KCNMA1: variants seen among roughly 807,000 people sequenced by gnomAD.
The protein encoded by KCNMA1 is Calcium-activated potassium channel subunit alpha-1.
Under a neutral mutation model 140.0 loss-of-function variants are expected in KCNMA1, and 29 were observed. That is an observed-to-expected ratio of 0.21 (90% CI 0.15 to 0.28). The LOEUF is 0.28. KCNMA1 is among the 10% of genes least tolerant of loss of function. The pLI is 1.00. For synonymous variants in KCNMA1, 612 were observed against 611.9 expected (o/e 1.00, Z 0.00); for missense variants, 880 against 1,602.2 (o/e 0.55, Z 7.70).
rs1486111888 is a variant in KCNMA1 at position 77,383,002 on chromosome 10, A to G, written c.540+20860T>C. ...TGTGTGTGTGTGTGTGTGTATATATATATATATATATATATATATATATAT... is the reference window on the plus strand; with the variant it reads ...TGTGTGTGTGTGTGTGTGTATATATGTATATATATATATATATATATATAT... On this transcript the variant is annotated intron_variant, in intron 2 of 27. Coordinates refer to ENST00000286628, the MANE Select transcript of KCNMA1 (RefSeq NM_001161352.2). Among the ~76,000 whole-genome samples the G allele has an allele frequency of 9.1e-3, 464 of 50,718 alleles. 1 individual carries two copies. The highest frequency in any genetic ancestry group is 0.021 in the East Asian group (54 of 2,512). The allele number at this position is 50,718 out of a possible 152,430, so 33.3% of individuals were successfully genotyped here.
At chr10:77,423,366 C>A (rs1252877588) in intron 1 of KCNMA1, among the ~76,000 whole-genome samples, 2 of 152,156 alleles carry the variant, frequency 1.3e-5, no homozygotes, top group Non-Finnish European at 2.9e-5. Flanking sequence ...CTATAAACAC[C>A]TTCTCTAATC....
At chr10:76,923,428 CAA>C (rs926235292) in intron 23 of KCNMA1, among the ~76,000 whole-genome samples, 6 of 89,180 alleles carry the variant, frequency 6.7e-5, no homozygotes, top group East Asian at 4.6e-4. Context: ...GACTCCGTCT[CAA>C]AAAAAAAAAA....
intron 1 of KCNMA1, among the ~76,000 whole-genome samples, chr10:77,517,857 A>T (rs549539833): frequency 6.6e-6 from 1 of 152,350 alleles, no homozygotes; most frequent in South Asian, 2.1e-4. Context: ...GTAGTTGAGG[A>T]AACAGGCGAT....
At chr10:77,521,142 A>G (rs550926687) in intron 1 of KCNMA1, among the ~76,000 whole-genome samples, 2 of 152,328 alleles carry the variant, frequency 1.3e-5, no homozygotes, top group African/African-American at 4.8e-5. Flanking sequence ...GAGAACAGTG[A>G]TTCCAGCCAA....
intron 15 of KCNMA1, among the ~76,000 whole-genome samples, chr10:77,037,001 T>C (rs981073733): frequency 6.6e-6 from 1 of 152,236 alleles, no homozygotes; most frequent in East Asian, 1.9e-4. Context: ...GTACACATTC[T>C]CACTCACATC....
chr10:76,887,779 C>T (rs937669045), intron 27 of KCNMA1: 4 of 502,304 alleles, frequency 8.0e-6, no homozygotes, highest in Admixed American at 3.2e-5. Context: ...CTTCGCTTCT[C>T]GTGGTCTACA....
At chr10:77,313,428 GC>G (rs1173640143) in intron 2 of KCNMA1, among the ~76,000 whole-genome samples, 1 of 152,182 alleles carries the variant, frequency 6.6e-6, no homozygotes, top group African/African-American at 2.4e-5. Context: ...TCACAGCACT[GC>G]CAGTCTCTGT....
chr10:77,326,372 C>T (rs893119292), intron 2 of KCNMA1, among the ~76,000 whole-genome samples: 8 of 152,170 alleles, frequency 5.3e-5, no homozygotes, highest in African/African-American at 1.7e-4. Context: ...AGTTACTTTA[C>T]ACCTCTGAAC....
chr10:77,137,197 C>T (rs1375144542), intron 5 of KCNMA1, among the ~76,000 whole-genome samples: 2 of 151,914 alleles, frequency 1.3e-5, no homozygotes, highest in African/African-American at 2.4e-5. Context: ...TGTGAGGTCT[C>T]GGGAGAGGAC....
intron 23 of KCNMA1, among the ~76,000 whole-genome samples, chr10:76,942,337 C>T (rs1017377779): frequency 3.3e-5 from 5 of 152,180 alleles, no homozygotes; most frequent in Middle Eastern, 3.2e-3. Context: ...AAAGGCCCCA[C>T]CACCTAATAC....
rs142569230 is a variant in KCNMA1 at position 77,426,997 on chromosome 10, T to C, written c.379-22974A>G. On this transcript the variant is annotated intron_variant, in intron 1 of 27. Coordinates refer to ENST00000286628, the MANE Select transcript of KCNMA1 (RefSeq NM_001161352.2). Reference sequence around the variant, plus strand: ...ACATGGAATGTACTTTGATATCCTGTATTTTTTAACATTGATTACAACTCA... The same window carrying C: ...ACATGGAATGTACTTTGATATCCTGCATTTTTTAACATTGATTACAACTCA... Among the ~76,000 whole-genome samples the C allele has an allele frequency of 1.5e-3, 229 of 152,382 alleles. No individual in the cohort carries two copies. In the Middle Eastern group the frequency reaches 0.02, roughly 14 times the overall value.
At chr10:77,624,594 G>T (rs1001536713) in intron 1 of KCNMA1, among the ~76,000 whole-genome samples, 1 of 152,002 alleles carries the variant, frequency 6.6e-6, no homozygotes, top group Non-Finnish European at 1.5e-5. Flanking sequence ...CTTAATCTTT[G>T]GTTCTTTATC....
chr10:77,187,683 G>A (rs2154132845), intron 3 of KCNMA1, among the ~76,000 whole-genome samples: 1 of 152,290 alleles, frequency 6.6e-6, no homozygotes, highest in Non-Finnish European at 1.5e-5. Context: ...GAAACTCTGG[G>A]ACAAAAGACC....
At chr10:77,176,599 G>C (rs147413411) in intron 5 of KCNMA1, among the ~76,000 whole-genome samples, 1 of 152,086 alleles carries the variant, frequency 6.6e-6, no homozygotes, top group East Asian at 1.9e-4. Context: ...ATGACCCCTG[G>C]AGCAAAGGAC....
intron 1 of KCNMA1, among the ~76,000 whole-genome samples, chr10:77,558,553 G>T (rs1314735367): frequency 6.6e-6 from 1 of 152,178 alleles, no homozygotes; most frequent in Non-Finnish European, 1.5e-5. Flanking sequence ...CAAGAAGATA[G>T]GTTCCCTCAT....
intron 24 of KCNMA1, chr10:76,913,762 A>T: frequency 3.0e-6 from 1 of 338,420 alleles, no homozygotes; most frequent in Non-Finnish European, 5.4e-6. Context: ...AAAGTGGGGA[A>T]AAAAGGCTCA....
chr10:77,236,095 C>T (rs2055338997), intron 3 of KCNMA1, among the ~76,000 whole-genome samples: 1 of 152,158 alleles, frequency 6.6e-6, no homozygotes, highest in Non-Finnish European at 1.5e-5. Flanking sequence ...TGAGGGCAGT[C>T]ATTCAAGTTT....
intron 3 of KCNMA1, among the ~76,000 whole-genome samples, chr10:77,231,731 G>A (rs2203604): frequency 6.6e-6 from 1 of 152,136 alleles, no homozygotes; most frequent in Non-Finnish European, 1.5e-5. Flanking sequence ...TGAGACCTAA[G>A]AAAACTGCCT....
intron 6 of KCNMA1, among the ~76,000 whole-genome samples, chr10:77,116,059 C>T (rs1279600843): frequency 6.6e-6 from 1 of 152,166 alleles, no homozygotes; most frequent in East Asian, 1.9e-4. Context: ...TCATAGCCTT[C>T]CTGGTCAAGC....
Sources: gnomAD v4.1 joint callset for allele counts (sites outside exome capture counted in the v4.1 genomes callset) on GRCh38, gnomAD v4.1.1 for gene constraint, MANE v1.5 for transcripts, NCBI Gene and HGNC (gene_info 2026-07-23, HGNC 2026-07-21) for gene names.